Variants in IL20RA observed in about 807,000 individuals in gnomAD.
IL20RA encodes interleukin-20 receptor subunit alpha.
A neutral mutation model predicts 36.5 loss-of-function variants in IL20RA; 29 were observed. That is an observed-to-expected ratio of 0.79 (90% CI 0.59 to 1.08). The LOEUF (loss-of-function observed/expected upper bound fraction) is 1.08, where lower values mean the gene tolerates loss of function less well. IL20RA is among the 50% of genes least tolerant of loss of function. The probability of loss-of-function intolerance (pLI) is 0.00; values close to 1 mark genes in which losing one functional copy is unlikely to be tolerated. For missense variants in IL20RA, 652 were observed against 668.4 expected, an observed-to-expected ratio of 0.98 and a Z score of 0.27; for synonymous variants, 279 against 267.1, an observed-to-expected ratio of 1.04 and a Z score of -0.43.
At chr6:137,006,891 G>C (rs1264417211) in intron 5 of IL20RA, among the ~76,000 whole-genome samples, 2 of 151,868 alleles carry the variant, frequency 1.3e-5, no homozygotes, top group African/African-American at 4.8e-5. Flanking sequence ...GCCTGGCTAA[G>C]TTTCGTATTT....
At chr6:137,044,361 TC>T in intron 1 of IL20RA, 6 of 967,980 alleles carry the variant, frequency 6.2e-6, no homozygotes, top group Non-Finnish European at 6.2e-6. Context: ...CCCACCGAAC[TC>T]CCCCCACCCC....
chr6:137,042,273 G>A (rs369571368), intron 1 of IL20RA, among the ~76,000 whole-genome samples: 1 of 152,306 alleles, frequency 6.6e-6, no homozygotes, highest in African/African-American at 2.4e-5. Flanking sequence ...GATAAGGCTG[G>A]AGAGACAGGC....
chr6:137,010,923 G>C (rs1329605094), intron 3 of IL20RA, among the ~76,000 whole-genome samples: 1 of 152,006 alleles, frequency 6.6e-6, no homozygotes, highest in Non-Finnish European at 1.5e-5. Context: ...GAGACCACTT[G>C]GTTAAACCTT....
chr6:137,025,535 G>T (rs276493), intron 1 of IL20RA, among the ~76,000 whole-genome samples: 1 of 152,086 alleles, frequency 6.6e-6, no homozygotes, highest in Non-Finnish European at 1.5e-5. Context: ...AATTCTTCTA[G>T]CCCAGCTTCA....
At chr6:137,034,942 C>G (rs1469527178) in intron 1 of IL20RA, among the ~76,000 whole-genome samples, 3 of 116,874 alleles carry the variant, frequency 2.6e-5, no homozygotes, top group African/African-American at 1.2e-4. Flanking sequence ...GAGACTCCAT[C>G]TCAGAAAAAA....
chr6:137,017,845 T>C (rs971108796), intron 1 of IL20RA, among the ~76,000 whole-genome samples: 1 of 152,114 alleles, frequency 6.6e-6, no homozygotes, highest in African/African-American at 2.4e-5. Context: ...GAAATCCTTG[T>C]AGAGAAATGG....
intron 1 of IL20RA, among the ~76,000 whole-genome samples, chr6:137,022,620 C>A (rs1775943157): frequency 6.6e-6 from 1 of 152,094 alleles, no homozygotes; most frequent in African/African-American, 2.4e-5. Flanking sequence ...CTTGCAAAAA[C>A]AAATAAATAA....
At chr6:137,008,524 T>G in intron 5 of IL20RA, 75 bp downstream of exon 5, 1 of 1,426,402 alleles carries the variant, frequency 7.0e-7, no homozygotes, top group Non-Finnish European at 9.4e-7. Flanking sequence ...GTCAAAACCT[T>G]GTCTAAACCA....
At chr6:137,013,010 T>C (rs1301709062) in intron 2 of IL20RA, among the ~76,000 whole-genome samples, 2 of 151,960 alleles carry the variant, frequency 1.3e-5, no homozygotes, top group African/African-American at 4.8e-5. Flanking sequence ...AAAAGAAAAA[T>C]ACATTTTATA....
chr6:137,044,406 G>A lies in IL20RA; in HGVS notation c.88+235C>T, dbSNP rs1363327391. On this transcript the variant is annotated intron_variant, in intron 1 of 6. Coordinates refer to ENST00000316649, the MANE Select transcript of IL20RA (RefSeq NM_014432.4). ...TCTCGAGACCGAAAGTGCGGAGCGCGGAGTCCTGCAAACTTGACCCCGAGC... is the reference window on the plus strand; with the variant it reads ...TCTCGAGACCGAAAGTGCGGAGCGCAGAGTCCTGCAAACTTGACCCCGAGC... 20 of 998,460 alleles carry A rather than the reference G, an allele frequency of 2.0e-5. No individual in the cohort carries two copies. The Admixed American group carries it at 6.7e-4, about 33-fold the overall frequency. 61.9% of individuals were successfully genotyped at this position (998,460 alleles called of 1,614,324 possible). A position where few individuals can be genotyped will look rare whatever the true frequency, so the allele number is the denominator to read the frequency against.
intron 1 of IL20RA, among the ~76,000 whole-genome samples, chr6:137,037,370 C>T (rs543278399): frequency 3.3e-5 from 5 of 152,220 alleles, no homozygotes; most frequent in African/African-American, 4.8e-5. Context: ...AAAGAGTAGC[C>T]TTAGTTGCAT....
intron 1 of IL20RA, among the ~76,000 whole-genome samples, chr6:137,018,868 T>G (rs1241520032): frequency 6.6e-6 from 1 of 152,146 alleles, no homozygotes; most frequent in African/African-American, 2.4e-5. Context: ...GTGGCCTACA[T>G]TTTTAGATGG....
intron 2 of IL20RA, among the ~76,000 whole-genome samples, chr6:137,014,595 T>A (rs1394363468): frequency 6.6e-6 from 1 of 152,034 alleles, no homozygotes; most frequent in Admixed American, 6.6e-5. Context: ...ATTAAGAAAA[T>A]GGTTTGTGAA....
chr6:137,016,931 G>A (rs912281528), intron 2 of IL20RA, 37 bp downstream of exon 2: 8 of 1,592,190 alleles, frequency 5.0e-6, no homozygotes, highest in Non-Finnish European at 6.9e-6. Flanking sequence ...TGAGTCTTGT[G>A]TTTGTAAGCT....
intron 6 of IL20RA, among the ~76,000 whole-genome samples, chr6:137,004,159 C>CGTGTTTTTTT (rs531501235): frequency 1.1e-5 from 1 of 88,016 alleles, no homozygotes; most frequent in African/African-American, 5.6e-5. Context: ...ATCCAGAAAG[C>CGTGTTTTTTT]TTTTTTTTTT....
intron 1 of IL20RA, among the ~76,000 whole-genome samples, chr6:137,042,247 G>A (rs1007951846): frequency 1.4e-5 from 2 of 140,388 alleles, no homozygotes; most frequent in African/African-American, 5.4e-5. Flanking sequence ...AGGATAGCAG[G>A]AATTAGGTGG....
At chr6:137,018,324 A>G (rs34398980) in intron 1 of IL20RA, among the ~76,000 whole-genome samples, 4,636 of 152,308 alleles carry the variant, frequency 0.03, 87 homozygotes, top group African/African-American at 0.036. Context: ...TTACTTTAGA[A>G]TTAAACTTTG....
At chr6:137,012,546 T>A (rs1220004478) in intron 2 of IL20RA, among the ~76,000 whole-genome samples, 1 of 152,084 alleles carries the variant, frequency 6.6e-6, no homozygotes, top group African/African-American at 2.4e-5. Context: ...CAGTGGGCAA[T>A]GGGTCTCAGG....
In IL20RA at chr6:137,001,110, T is replaced by G. The variant is rs1428990415; in HGVS notation, c.*448A>C. On this transcript the variant is annotated 3_prime_UTR_variant, in exon 7 of 7. Transcript: ENST00000316649. ...TGTGCATGTTTTAAGTATCTCCTCC[T>G]GCTCGCAATAAACCCAATTCTGAAA... 6.5e-6 allele frequency: 1 copy of G among 153,360 alleles called. No homozygotes were observed. The allele number at this position is 153,360 out of a possible 1,614,324, so 9.5% of individuals were successfully genotyped here. A position where few individuals can be genotyped will look rare whatever the true frequency, so the allele number is the denominator to read the frequency against.
Sources: gnomAD v4.1 joint callset for allele counts (sites outside exome capture counted in the v4.1 genomes callset) on GRCh38, gnomAD v4.1.1 for gene constraint, MANE v1.5 for transcripts, NCBI Gene and HGNC (gene_info 2026-07-23, HGNC 2026-07-21) for gene names.